The following INTS6 variants were observed in gnomAD, a reference collection of about 807,000 sequenced individuals.
INTS6 encodes the protein DEAD box protein.
Under a neutral mutation model 104.9 loss-of-function variants are expected in INTS6, and 16 were observed. The ratio of observed to expected loss-of-function variants is 0.15; its 90% CI spans 0.10 to 0.23. The LOEUF is 0.23. INTS6 is among the 10% of genes least tolerant of loss of function. The pLI is 1.00. For synonymous variants in INTS6, 324 were observed against 358.7 expected (o/e 0.90, Z 1.09); for missense variants, 584 against 1,062.8 (o/e 0.55, Z 6.26).
chr13:51,431,636 C>T (rs769354244), intron 3 of INTS6, among the ~76,000 whole-genome samples: 5 of 152,016 alleles, frequency 3.3e-5, no homozygotes, highest in Non-Finnish European at 5.9e-5. Context: ...ACCTAATCAT[C>T]GTAAAGTGGG....
rs778361199 is a variant in INTS6, at chr13:51,361,952, G to A, written c.*3800C>T. ...TTTATCAGTGTCTCTCTAGCAACAAGGGCTCATTTGTCCACTATCCCCTCA... is the reference window on the plus strand; with the variant it reads ...TTTATCAGTGTCTCTCTAGCAACAAAGGCTCATTTGTCCACTATCCCCTCA... On this transcript the variant is annotated 3_prime_UTR_variant, in exon 18 of 18. Transcript: ENST00000311234. 1.1e-5 allele frequency: 17 copies of A among 1,611,500 alleles called. No homozygotes were observed. In the Admixed American group the frequency reaches 2.5e-4, roughly 24 times the overall value.
downstream of INTS6, among the ~76,000 whole-genome samples, chr13:51,358,491 C>A (rs1955514868): frequency 6.6e-6 from 1 of 152,152 alleles, no homozygotes; most frequent in South Asian, 2.1e-4. Flanking sequence ...GCAGATGACC[C>A]ATTCTATGCC....
At chr13:51,415,123 GTT>G (rs200899765) in intron 4 of INTS6, among the ~76,000 whole-genome samples, 1 of 144,964 alleles carries the variant, frequency 6.9e-6, no homozygotes, top group Non-Finnish European at 1.5e-5. Flanking sequence ...AAGTATGAGA[GTT>G]TTTTTTTTTA....
chr13:51,417,408 T>C (rs1429375265), intron 4 of INTS6, among the ~76,000 whole-genome samples: 1 of 152,026 alleles, frequency 6.6e-6, no homozygotes, highest in Non-Finnish European at 1.5e-5. Context: ...CTCTTGCATG[T>C]GCATGCATAT....
intron 4 of INTS6, among the ~76,000 whole-genome samples, chr13:51,411,422 G>A (rs559755910): frequency 1.7e-4 from 26 of 151,080 alleles, no homozygotes; most frequent in Middle Eastern, 3.4e-3. Flanking sequence ...GCATGGTGGC[G>A]GGCACCTGTA....
chr13:51,346,851 A>C, the INTS6 span, among the ~76,000 whole-genome samples: 21 of 152,254 alleles, frequency 1.4e-4, no homozygotes, highest in Non-Finnish European at 2.9e-4. Context: ...ACAGGGAATT[A>C]AATATTCTTA....
chr13:51,354,008 G>A (rs937055925), downstream of INTS6: 3 of 152,136 alleles, frequency 2.0e-5, no homozygotes, highest in African/African-American at 7.2e-5. Context: ...GGGTTTACTA[G>A]GAAAACCAAG....
downstream of INTS6, among the ~76,000 whole-genome samples, chr13:51,359,306 A>G (rs563780415): frequency 1.3e-5 from 2 of 152,206 alleles, no homozygotes; most frequent in Admixed American, 1.3e-4. Context: ...TGGGAGGAAA[A>G]ATGCAAAACC....
At chr13:51,405,359 AG>A (rs1276400632) in intron 4 of INTS6, among the ~76,000 whole-genome samples, 1 of 152,178 alleles carries the variant, frequency 6.6e-6, no homozygotes, top group Non-Finnish European at 1.5e-5. Flanking sequence ...GGAAAGAAAG[AG>A]GAAGTGTTCA....
chr13:51,376,202 T>G (rs756453106), intron 12 of INTS6, 28 bp from the exon 13 acceptor site: 26 of 1,569,798 alleles, frequency 1.7e-5, no homozygotes, highest in Non-Finnish European at 2.2e-5. Context: ...AGGACAAAAT[T>G]TATTGTCAAA....
chr13:51,450,524 A>G, intron 3 of INTS6: 1 of 972,020 alleles, frequency 1.0e-6, no homozygotes, highest in Non-Finnish European at 1.2e-6. Flanking sequence ...AGAAAACTTA[A>G]ATGTTCTCAG....
At chr13:51,347,234 G>A in the INTS6 span, 62 of 1,612,906 alleles carry the variant, frequency 3.8e-5, no homozygotes, top group Non-Finnish European at 4.8e-5. Context: ...GGTCAACTAC[G>A]GTGAGCTCTG....
At chr13:51,440,965 T>C (rs939494056) in intron 3 of INTS6, 1 of 152,206 alleles carries the variant, frequency 6.6e-6, no homozygotes, top group Non-Finnish European at 1.5e-5. Flanking sequence ...TCCTGTTAAG[T>C]GTTTACCGTA....
downstream of INTS6, among the ~76,000 whole-genome samples, chr13:51,357,672 C>T (rs374183840): frequency 2.4e-4 from 37 of 152,122 alleles, no homozygotes; most frequent in South Asian, 6.8e-3. Context: ...GTAGTTCCCC[C>T]CCAGTCTCCT....
At chr13:51,434,272 C>A (rs1248823712) in intron 3 of INTS6, among the ~76,000 whole-genome samples, 1 of 152,016 alleles carries the variant, frequency 6.6e-6, no homozygotes, top group African/African-American at 2.4e-5. Flanking sequence ...TATCTTCCCC[C>A]AACACACACT....
intron 4 of INTS6, among the ~76,000 whole-genome samples, chr13:51,424,702 G>T (rs571682441): frequency 3.5e-4 from 53 of 152,046 alleles, no homozygotes; most frequent in Non-Finnish European, 6.5e-4. Context: ...CATCTGAATC[G>T]CAAATCAGTA....
At chr13:51,428,326 CTT>C (rs887192550) in intron 4 of INTS6, among the ~76,000 whole-genome samples, 11 of 135,004 alleles carry the variant, frequency 8.1e-5, no homozygotes, top group Admixed American at 7.5e-5. Flanking sequence ...CTTTTTTTTT[CTT>C]TTTTTTTTTT....
At chr13:51,448,847 C>T (rs1042298557) in intron 3 of INTS6, 4 of 152,146 alleles carry the variant, frequency 2.6e-5, no homozygotes, top group Admixed American at 6.5e-5. Context: ...TAGTATAGAG[C>T]AGGAAAGGGG....
intron 3 of INTS6, chr13:51,450,093 C>G: frequency 1.0e-6 from 1 of 985,318 alleles, no homozygotes; most frequent in Non-Finnish European, 1.2e-6. Flanking sequence ...GTACGAAACT[C>G]ACAAAACTAG....
Sources: allele counts gnomAD v4.1 joint callset (sites outside exome capture counted in the v4.1 genomes callset), GRCh38; gene constraint gnomAD v4.1.1; transcripts MANE v1.5; gene names NCBI Gene and HGNC (gene_info 2026-07-23, HGNC 2026-07-21).